The following CPT1C variants were observed in gnomAD, a reference collection of about 807,000 sequenced individuals.
CPT1C encodes palmitoyl thioesterase CPT1C.
In CPT1C, 61 loss-of-function variants were observed where a neutral mutation model predicts 97.3. The observed-to-expected ratio is 0.63, with a 90% CI of 0.51 to 0.78. CPT1C has a LOEUF of 0.78. CPT1C is among the 30% of genes least tolerant of loss of function. CPT1C has a pLI of 0.00. For missense variants in CPT1C, 975 were observed against 1,065.5 expected (o/e 0.92, Z 1.18); for synonymous variants, 469 against 447.2 (o/e 1.05, Z -0.61).
intron 17 of CPT1C, 58 bp downstream of exon 17, chr19:49,712,019 G>A: frequency 2.5e-6 from 4 of 1,579,388 alleles, no homozygotes; most frequent in Non-Finnish European, 3.5e-6. Context: ...AGAAGGGAGA[G>A]GTTTCAGGGA....
rs1341092243 is a variant in CPT1C at position 49,694,639 on chromosome 19, A to G, written c.141+2246A>G. Among the ~76,000 whole-genome samples the G allele has an allele frequency of 2.6e-5, 4 of 151,556 alleles. No homozygotes were observed. In the East Asian group the frequency reaches 7.8e-4, roughly 29 times the overall value. ...GCAAGACTCCGTTTCAAAAAAAAAA[A>G]AAAAAAAGGGGGTGGGAGCCGGCGG... On this transcript the variant is annotated intron_variant, in intron 3 of 19. Transcript: ENST00000598293.
At chr19:49,695,729 G>A (rs1000880518) in intron 3 of CPT1C, among the ~76,000 whole-genome samples, 11 of 151,118 alleles carry the variant, frequency 7.3e-5, no homozygotes, top group African/African-American at 1.7e-4. Flanking sequence ...GACTACAGGC[G>A]TGTGCCACCA....
At chr19:49,695,278 AT>A (rs947374904) in intron 3 of CPT1C, among the ~76,000 whole-genome samples, 5,756 of 127,510 alleles carry the variant, frequency 0.045, 182 homozygotes, top group African/African-American at 0.15. Context: ...AAAATGCACA[AT>A]TTTTTTTTTT....
intron 3 of CPT1C, among the ~76,000 whole-genome samples, chr19:49,694,531 A>G (rs892666489): frequency 3.3e-5 from 5 of 151,052 alleles, no homozygotes; most frequent in African/African-American, 1.2e-4. Flanking sequence ...TGGGAGGCTG[A>G]GGCAGAAGAA....
intron 9 of CPT1C, 35 bp from the exon 10 acceptor site, chr19:49,705,179 C>T (rs2083431668): frequency 1.2e-6 from 2 of 1,613,878 alleles, no homozygotes; most frequent in Non-Finnish European, 1.7e-6. Flanking sequence ...CACGTGGGTC[C>T]TGGAAGGCAG....
At chr19:49,705,810 T>G in intron 10 of CPT1C, 99 bp from the exon 11 acceptor site, 2 of 1,132,770 alleles carry the variant, frequency 1.8e-6, no homozygotes, top group Non-Finnish European at 2.5e-6. Flanking sequence ...CTAGGGTACT[T>G]TGAACAACTG....
rs748386575 is a variant in CPT1C at position 49,706,977 on chromosome 19, A to G, written c.1344-541A>G. 2.0e-5 allele frequency among the ~76,000 whole-genome samples: 3 copies of G among 152,192 alleles called. No individual in the cohort carries two copies. The highest frequency in any genetic ancestry group is 4.4e-5 in the Non-Finnish European group (3 of 67,996). ...GAACCTTCCTCGGCAAGTTTCCTAA[A>G]AATCTCCAAACTCCAGACTGGGCAT... is the stretch of plus-strand genomic sequence containing the variant. On this transcript the variant is annotated intron_variant, in intron 12 of 19. Coordinates refer to ENST00000598293, the MANE Select transcript of CPT1C (RefSeq NM_001199753.2). The surrounding 1 kb of genome is among the most constrained non-coding windows in gnomAD (Gnocchi z 4.8).
In CPT1C at chr19:49,706,421, A is replaced by G. The variant is rs755372137; in HGVS notation, c.1343+8A>G. On this transcript the variant is annotated splice_region_variant and intron_variant, in intron 12 of 19. Transcript: ENST00000598293. The surrounding 1 kb of genome is among the most constrained non-coding windows in gnomAD (Gnocchi z 4.8). ...CGGCCGGGGCCATGATCGGTGAGTG[A>G]GTCTTGGGATGGGGCCCCCAGATGT... is the stretch of plus-strand genomic sequence containing the variant. 3 of 1,465,748 alleles carry G rather than the reference A, an allele frequency of 2.0e-6. No homozygotes were observed. Among genetic ancestry groups the G allele is most frequent in the Admixed American group, 3.0e-5 (1 of 33,078 alleles). The allele number at this position is 1,465,748 out of a possible 1,614,324, so 90.8% of individuals were successfully genotyped here.
chr19:49,697,581 G>A, intron 4 of CPT1C, 116 bp downstream of exon 4: 2 of 1,248,470 alleles, frequency 1.6e-6, no homozygotes, highest in Non-Finnish European at 1.1e-6. Context: ...ACTTACATTG[G>A]GTCAGATTAA....
chr19:49,699,458 A>T (rs1008195908), intron 4 of CPT1C, among the ~76,000 whole-genome samples: 2 of 16,246 alleles, frequency 1.2e-4, no homozygotes, highest in Non-Finnish European at 2.4e-4. Context: ...CCCTGTCTCT[A>T]AAAAAAAAAA....
intron 7 of CPT1C, among the ~76,000 whole-genome samples, chr19:49,703,617 C>T (rs2083336723): frequency 8.1e-6 from 1 of 122,884 alleles, no homozygotes; most frequent in Non-Finnish European, 1.7e-5. Flanking sequence ...TCCTTCCTTC[C>T]TTCTCTCTTT....
Position 49,692,309 on chromosome 19 carries a change from T to C in CPT1C, c.57T>C (p.Ala19=), listed in dbSNP as rs1245756349. The change falls in exon 3 of 20, where the codon GCT becomes GCC. Residue 19 remains alanine, a synonymous_variant. Transcript: ENST00000598293. ...GFRPSLTSDG[A]EVELSAPVLQ... ...GACCCTCGCTGACCTCGGACGGGGC[T>C]GAAGTGGAACTCAGTGCCCCTGTGC... is the stretch of plus-strand genomic sequence containing the variant. The C allele has an allele frequency of 6.2e-7, 1 of 1,614,114 alleles. No individual in the cohort carries two copies. Among genetic ancestry groups the C allele is most frequent in the South Asian group, 1.1e-5 (1 of 91,090 alleles).
chr19:49,711,752 C>T, intron 16 of CPT1C, 57 bp from the exon 17 acceptor site: 4 of 1,544,538 alleles, frequency 2.6e-6, no homozygotes, highest in Middle Eastern at 1.7e-4. Context: ...GCCGCAGGCC[C>T]AGCCCTAAGT....
Position 49,710,360 on chromosome 19 carries a change from T to A in CPT1C, c.1607T>A (p.Ile536Asn), listed in dbSNP as rs1568541173. 1.2e-6 allele frequency: 2 copies of A among 1,614,126 alleles called. No individual in the cohort carries two copies. The highest frequency in any genetic ancestry group is 1.7e-6 in the Non-Finnish European group (2 of 1,180,026). ...TCTCTAGCCCTGAGGGGAGCCAAGA[T>A]CTTGTCTGAAAATGTCGACTGCCAT... ...SISLALRGAK[I>N]LSENVDCHVV... The change falls in exon 15 of 20, where the codon ATC (isoleucine) becomes AAC (asparagine). Residue 536 changes from isoleucine (I) to asparagine (N), a missense_variant. By Grantham distance (149) the Ile-to-Asn change is moderately radical. Around this residue, in one of 3 missense-constraint regions of CPT1C, gnomAD observed 344 missense variants for 395.7 expected, o/e 0.87. Coordinates refer to ENST00000598293, the MANE Select transcript of CPT1C (RefSeq NM_001199753.2).
rs186071801 is a variant in CPT1C at position 49,699,663 on chromosome 19, C to T, written c.282-1021C>T. Among the ~76,000 whole-genome samples the T allele has an allele frequency of 1.3e-4, 20 of 152,034 alleles. No homozygotes were observed. In the East Asian group the frequency reaches 3.7e-3, roughly 28 times the overall value. On this transcript the variant is annotated intron_variant, in intron 4 of 19. Transcript: ENST00000598293. The stretch of plus-strand genomic sequence containing the variant: ...GAATCACCTGGATGGGTTGTTAAAC[C>T]GCTGACTATGGCCAGGTGCTGTGGC...
At chr19:49,700,953 CCTCT>C in intron 5 of CPT1C, 98 bp downstream of exon 5, 3 of 1,332,122 alleles carry the variant, frequency 2.3e-6, no homozygotes, top group Non-Finnish European at 3.2e-6. Context: ...GGTCTCTGTC[CCTCT>C]CTCTCTGGGT....
chr19:49,692,869 G>A (rs1209007255), intron 3 of CPT1C, among the ~76,000 whole-genome samples: 3 of 151,980 alleles, frequency 2.0e-5, no homozygotes, highest in Non-Finnish European at 4.4e-5. Flanking sequence ...GGGATTATTG[G>A]CGCACGCCAC....
At chr19:49,704,297 G>A (rs955115548) in intron 7 of CPT1C, among the ~76,000 whole-genome samples, 2 of 152,112 alleles carry the variant, frequency 1.3e-5, no homozygotes, top group Admixed American at 6.6e-5. Flanking sequence ...TCAGGCTACC[G>A]AGTAGCCGGG....
chr19:49,696,648 T>C (rs984394117), intron 3 of CPT1C: 15 of 150,708 alleles, frequency 1.0e-4, no homozygotes, highest in African/African-American at 2.9e-4. Flanking sequence ...TTTTTTTTTT[T>C]TGGAGACCTT....
Sources: allele counts gnomAD v4.1 joint callset (sites outside exome capture counted in the v4.1 genomes callset), GRCh38; gene constraint gnomAD v4.1.1; regional missense constraint gnomAD v4.1.1; non-coding constraint Gnocchi (gnomAD v3.1); transcripts MANE v1.5; gene names NCBI Gene and HGNC (gene_info 2026-07-23, HGNC 2026-07-21).